DLG2: variants seen among roughly 807,000 people sequenced by gnomAD.
The protein encoded by DLG2 is disks large homolog 2.
In DLG2, 45 loss-of-function variants were observed where a neutral mutation model predicts 132.5. The observed-to-expected ratio is 0.34, with a 90% confidence interval of 0.27 to 0.44. The LOEUF (loss-of-function observed/expected upper bound fraction) is 0.44. Among genes scored for constraint, DLG2 ranks in the 20% least tolerant of loss-of-function variants. The pLI, the probability that DLG2 is intolerant of heterozygous loss-of-function variation, is 1.00. For missense variants in DLG2, 1,045 were observed against 1,196.9 expected (o/e 0.87, Z 1.87); for synonymous variants, 424 against 419.6 (o/e 1.01, Z -0.13).
chr11:85,418,864 A>T (rs1355734810), intron 3 of DLG2, among the ~76,000 whole-genome samples: 1 of 152,108 alleles, frequency 6.6e-6, no homozygotes, highest in African/African-American at 2.4e-5. Context: ...CAGCACACTG[A>T]TGGGTCTTGG....
chr11:84,840,230 CA>C (rs1194099191), intron 6 of DLG2, among the ~76,000 whole-genome samples: 1 of 152,050 alleles, frequency 6.6e-6, no homozygotes. Context: ...CCAACAGACA[CA>C]TGAAAAAATG....
intron 18 of DLG2, among the ~76,000 whole-genome samples, chr11:83,760,566 G>A (rs918694522): frequency 6.6e-6 from 1 of 151,742 alleles, no homozygotes; most frequent in African/African-American, 2.4e-5. Context: ...ATGTTGACCA[G>A]GCTGGTCTCA....
At chr11:83,659,446 T>G (rs2073671217) in intron 18 of DLG2, among the ~76,000 whole-genome samples, 2 of 152,194 alleles carry the variant, frequency 1.3e-5, no homozygotes, top group South Asian at 4.1e-4. Flanking sequence ...TCCTTTACCC[T>G]TCTTTACTCC....
chr11:85,019,483 A>G (rs1049392459), intron 6 of DLG2, among the ~76,000 whole-genome samples: 1 of 152,006 alleles, frequency 6.6e-6, no homozygotes, highest in Non-Finnish European at 1.5e-5. Context: ...TTTATTTTTC[A>G]TTATACTTTA....
intron 6 of DLG2, among the ~76,000 whole-genome samples, chr11:84,937,533 G>A (rs563810109): frequency 4.7e-4 from 72 of 152,252 alleles, no homozygotes; most frequent in Non-Finnish European, 7.9e-4. Context: ...CAAAGGAAGC[G>A]TATATACAGG....
At chr11:83,893,609 T>C (rs1045651295) in intron 15 of DLG2, among the ~76,000 whole-genome samples, 1 of 152,220 alleles carries the variant, frequency 6.6e-6, no homozygotes, top group African/African-American at 2.4e-5. Context: ...GCCTCCTACA[T>C]TTCTCCATAT....
chr11:85,345,712 G>T (rs771024038), intron 3 of DLG2, among the ~76,000 whole-genome samples: 4 of 151,916 alleles, frequency 2.6e-5, no homozygotes, highest in Admixed American at 6.6e-5. Flanking sequence ...CTTTCTACTT[G>T]CCTGAAATTA....
At chr11:85,130,059 G>T (rs1300312706) in intron 5 of DLG2, among the ~76,000 whole-genome samples, 1 of 152,050 alleles carries the variant, frequency 6.6e-6, no homozygotes, top group Non-Finnish European at 1.5e-5. Context: ...CCTTTTGAGG[G>T]GTGGGGGGCA....
At chr11:83,870,743 A>G (rs1262670376) in intron 16 of DLG2, among the ~76,000 whole-genome samples, 1 of 151,994 alleles carries the variant, frequency 6.6e-6, no homozygotes, top group East Asian at 1.9e-4. Context: ...CTTCATTCCT[A>G]TTCTCAGACT....
chr11:84,029,166 G>A (rs1288959201), intron 11 of DLG2, among the ~76,000 whole-genome samples: 1 of 151,994 alleles, frequency 6.6e-6, no homozygotes, highest in East Asian at 1.9e-4. Flanking sequence ...AAAACTAGAA[G>A]CTCAATCAGT....
At chr11:84,835,304 TC>T (rs2079596264) in intron 6 of DLG2, among the ~76,000 whole-genome samples, 2 of 151,752 alleles carry the variant, frequency 1.3e-5, no homozygotes, top group Admixed American at 1.3e-4. Context: ...GAACTTTAGT[TC>T]TGGAGGTAGA....
chr11:84,234,552 T>G (rs1385706198), intron 8 of DLG2, among the ~76,000 whole-genome samples: 2 of 152,154 alleles, frequency 1.3e-5, no homozygotes, highest in African/African-American at 4.8e-5. Flanking sequence ...AATAAAATTC[T>G]AAGCCCCCCA....
intron 19 of DLG2, among the ~76,000 whole-genome samples, chr11:83,630,665 A>G (rs1158604120): frequency 6.6e-6 from 1 of 152,118 alleles, no homozygotes; most frequent in Non-Finnish European, 1.5e-5. Flanking sequence ...AACAGCTGAC[A>G]CCACATAAAC....
At chr11:84,367,057 G>C (rs913192216) in intron 7 of DLG2, among the ~76,000 whole-genome samples, 26 of 151,970 alleles carry the variant, frequency 1.7e-4, no homozygotes, top group African/African-American at 6.0e-4. Flanking sequence ...TGACCACATA[G>C]TTGGAAGTAA....
At chr11:83,499,895 A>ATATATACATCTATC (rs1296866569) in intron 21 of DLG2, among the ~76,000 whole-genome samples, 10 of 114,554 alleles carry the variant, frequency 8.7e-5, no homozygotes, top group African/African-American at 3.1e-4. Flanking sequence ...ATATATATAT[A>ATATATACATCTATC]TATCAGTTCT....
chr11:83,676,661 G>C (rs1365737234), intron 18 of DLG2, among the ~76,000 whole-genome samples: 2 of 152,182 alleles, frequency 1.3e-5, no homozygotes, highest in Non-Finnish European at 2.9e-5. Flanking sequence ...AGGAAAGCAA[G>C]GGTGCAAGGT....
intron 7 of DLG2, among the ~76,000 whole-genome samples, chr11:84,463,556 T>A (rs906291403): frequency 6.6e-6 from 1 of 151,120 alleles, no homozygotes; most frequent in Non-Finnish European, 1.5e-5. Flanking sequence ...TGAGGTAGTA[T>A]TGATGGACTA....
chr11:85,360,968 G>T (rs928676791), intron 3 of DLG2, among the ~76,000 whole-genome samples: 43 of 152,066 alleles, frequency 2.8e-4, no homozygotes, highest in African/African-American at 9.7e-4. Context: ...GAGTCTCATT[G>T]TATGTAAAGC....
At chr11:85,611,600 C>T (rs566485925) in intron 2 of DLG2, among the ~76,000 whole-genome samples, 4 of 152,220 alleles carry the variant, frequency 2.6e-5, no homozygotes, top group Non-Finnish European at 5.9e-5. Context: ...AACCTCTTCC[C>T]CCAGGGACCA....
Sources: gnomAD v4.1 joint callset for allele counts (sites outside exome capture counted in the v4.1 genomes callset) on GRCh38, gnomAD v4.1.1 for gene constraint, MANE v1.5 for transcripts, NCBI Gene and HGNC (gene_info 2026-07-23, HGNC 2026-07-21) for gene names.